Variants in UTRN observed in about 807,000 individuals in gnomAD.
The protein encoded by UTRN is dystrophin-related protein 1.
UTRN carries 283 observed loss-of-function variants against 463.9 expected under a neutral mutation model. The ratio of observed to expected loss-of-function variants is 0.61; its 90% CI spans 0.55 to 0.67. The LOEUF (loss-of-function observed/expected upper bound fraction) is 0.67, where lower values mean the gene tolerates loss of function less well. UTRN is among the 30% of genes least tolerant of loss of function. UTRN has a pLI of 0.00. For synonymous variants in UTRN, 1,442 were observed against 1,431.5 expected (o/e 1.01, Z -0.17); for missense variants, 3,922 against 4,084.3 (o/e 0.96, Z 1.08).
At chr6:144,635,540 T>C (rs1313869545) in intron 51 of UTRN, among the ~76,000 whole-genome samples, 8 of 70,672 alleles carry the variant, frequency 1.1e-4, no homozygotes, top group South Asian at 1.1e-3. Flanking sequence ...CTTTTCTTTT[T>C]TTTTTTTTTT....
intron 26 of UTRN, among the ~76,000 whole-genome samples, 180 bp downstream of exon 26, chr6:144,480,162 C>T (rs770186144): frequency 1.3e-5 from 2 of 152,106 alleles, no homozygotes; most frequent in Non-Finnish European, 2.9e-5. Flanking sequence ...GGAAGAAAGC[C>T]AGGAGTCCAC....
intron 2 of UTRN, among the ~76,000 whole-genome samples, chr6:144,357,916 A>C (rs926615764): frequency 6.6e-6 from 1 of 152,240 alleles, no homozygotes; most frequent in Non-Finnish European, 1.5e-5. Flanking sequence ...TAGGGAGAGG[A>C]AGGGTAGGAG....
At chr6:144,734,550 G>A (rs1156899757) in intron 54 of UTRN, among the ~76,000 whole-genome samples, 1 of 152,026 alleles carries the variant, frequency 6.6e-6, no homozygotes, top group Non-Finnish European at 1.5e-5. Context: ...TGGGTTGCTC[G>A]GGCTAAAATC....
intron 58 of UTRN, among the ~76,000 whole-genome samples, chr6:144,760,019 T>A (rs1792473644): frequency 6.6e-6 from 1 of 152,160 alleles, no homozygotes; most frequent in African/African-American, 2.4e-5. Context: ...ATAAAAAAAA[T>A]TAAATATCTT....
At chr6:144,430,257 T>G (rs1785678556) in intron 9 of UTRN, among the ~76,000 whole-genome samples, 1 of 152,174 alleles carries the variant, frequency 6.6e-6, no homozygotes, top group Non-Finnish European at 1.5e-5. Context: ...CATGAAGGGA[T>G]TACGATGATT....
At chr6:144,728,782 T>C (rs1562827101) in intron 53 of UTRN, among the ~76,000 whole-genome samples, 1 of 152,238 alleles carries the variant, frequency 6.6e-6, no homozygotes, top group Non-Finnish European at 1.5e-5. Flanking sequence ...TGGTTCACTT[T>C]GCTCGTTCAT....
Position 144,474,704 on chromosome 6 carries a change from G to T in UTRN, c.3281G>T (p.Trp1094Leu), listed in dbSNP as rs1285724392. The T allele has an allele frequency of 6.2e-7, 1 of 1,613,920 alleles. No individual in the cohort carries two copies. Among genetic ancestry groups the T allele is most frequent in the African/African-American group, 1.3e-5 (1 of 74,908 alleles). The change falls in exon 25 of 75, where the codon TGG (tryptophan) becomes TTG (leucine). Residue 1094 changes from tryptophan (W) to leucine (L), a missense_variant. Coordinates refer to ENST00000367545, the MANE Select transcript of UTRN (RefSeq NM_007124.3). ...GGTCCAGTTGCTGGAATAAAAACTT[G>T]GGTGCAGACAAGACTAGGTGACTAC... ...RSGPVAGIKT[W>L]VQTRLGDYQT...
At chr6:144,309,619 G>C (rs148686420) in intron 2 of UTRN, among the ~76,000 whole-genome samples, 2 of 152,230 alleles carry the variant, frequency 1.3e-5, no homozygotes, top group African/African-American at 4.8e-5. Flanking sequence ...CTACTGTCCT[G>C]GTCTAGGGGA....
intron 65 of UTRN, among the ~76,000 whole-genome samples, chr6:144,810,580 G>T (rs541558761): frequency 2.6e-5 from 4 of 152,002 alleles, no homozygotes; most frequent in Admixed American, 6.6e-5. Flanking sequence ...ATAGAGCAAG[G>T]TAATGGAGGA....
chr6:144,700,629 A>G (rs1371267037), intron 53 of UTRN, among the ~76,000 whole-genome samples: 1 of 151,982 alleles, frequency 6.6e-6, no homozygotes, highest in Non-Finnish European at 1.5e-5. Context: ...GTACAATGGC[A>G]TGATCTCGGC....
chr6:144,507,720 C>T lies in UTRN; in HGVS notation c.4765-3224C>T, dbSNP rs180684795. Among the ~76,000 whole-genome samples, 68 of 152,262 alleles carry T rather than the reference C, an allele frequency of 4.5e-4. No individual in the cohort carries two copies. The East Asian group carries it at 0.013, about 28-fold the overall frequency. On this transcript the variant is annotated intron_variant, in intron 34 of 74. Coordinates refer to ENST00000367545, the MANE Select transcript of UTRN (RefSeq NM_007124.3). Reference sequence around the variant, plus strand: ...TGTTGACCCCTGCTGGGAGGTGTCTCCCAGTCAGGAGGCACAGGGGTCAGG... The same window carrying T: ...TGTTGACCCCTGCTGGGAGGTGTCTTCCAGTCAGGAGGCACAGGGGTCAGG...
chr6:144,470,322 C>T (rs574842288), intron 23 of UTRN, among the ~76,000 whole-genome samples: 36 of 151,330 alleles, frequency 2.4e-4, no homozygotes, highest in South Asian at 4.2e-4. Context: ...GGCTGCCGGG[C>T]GGAGACGCTC....
rs928896534 is a variant in UTRN at position 144,513,788 on chromosome 6, G to A, written c.4945-121G>A. ...CTGAAGAAGAGCTCTGCAGGAAGGT[G>A]AAAGCTCTCCTTTAAATTCATGGTA... On this transcript the variant is annotated intron_variant, in intron 35 of 74. Transcript: ENST00000367545. The A allele has an allele frequency of 3.5e-6, 4 of 1,131,698 alleles. No individual in the cohort carries two copies. In the African/African-American group the frequency reaches 6.3e-5, roughly 18 times the overall value. 70.1% of individuals were successfully genotyped at this position (1,131,698 alleles called of 1,614,324 possible). A position where few individuals can be genotyped will look rare whatever the true frequency, so the allele number is the denominator to read the frequency against.
chr6:144,603,350 C>T (rs1222791486), intron 51 of UTRN, among the ~76,000 whole-genome samples: 1 of 152,106 alleles, frequency 6.6e-6, no homozygotes, highest in Non-Finnish European at 1.5e-5. Context: ...GGTGGCTTTC[C>T]AGAAAGGCTG....
chr6:144,479,687 C>T, intron 25 of UTRN, 125 bp from the exon 26 acceptor site: 2 of 1,140,472 alleles, frequency 1.8e-6, no homozygotes, highest in Non-Finnish European at 1.2e-6. Context: ...GAGATTTTAT[C>T]TGAATTTTAA....
intron 50 of UTRN, among the ~76,000 whole-genome samples, chr6:144,557,777 T>C (rs1799523676): frequency 6.6e-6 from 1 of 152,114 alleles, no homozygotes; most frequent in African/African-American, 2.4e-5. Context: ...TCTATGTGCA[T>C]TTAGGATTTT....
chr6:144,721,061 G>A (rs1787094188), intron 53 of UTRN, among the ~76,000 whole-genome samples: 2 of 152,198 alleles, frequency 1.3e-5, no homozygotes, highest in African/African-American at 2.4e-5. Flanking sequence ...AAGGATGGGA[G>A]AAAATTTGAA....
rs191282623 is a variant in UTRN at position 144,699,790 on chromosome 6, T to C, written c.7653-297T>C. ...TTACCAATAAATCCTCTGAATATTA[T>C]AGCCTATTCAAAATAGCTGTTTCTT... is the stretch of plus-strand genomic sequence containing the variant. On this transcript the variant is annotated intron_variant, in intron 52 of 74. Coordinates refer to ENST00000367545, the MANE Select transcript of UTRN (RefSeq NM_007124.3). Among the ~76,000 whole-genome samples, 19 of 149,814 alleles carry C rather than the reference T, an allele frequency of 1.3e-4. No individual in the cohort carries two copies. In the East Asian group the frequency reaches 3.5e-3, roughly 28 times the overall value.
At chr6:144,706,805 A>G (rs1018189058) in intron 53 of UTRN, 2 of 152,148 alleles carry the variant, frequency 1.3e-5, no homozygotes, top group Non-Finnish European at 2.9e-5. Context: ...TTCCCATTGC[A>G]TGCATCAATA....
Sources: allele counts gnomAD v4.1 joint callset (sites outside exome capture counted in the v4.1 genomes callset), GRCh38; gene constraint gnomAD v4.1.1; transcripts MANE v1.5; gene names NCBI Gene and HGNC (gene_info 2026-07-23, HGNC 2026-07-21).